The following TMPRSS6 variants were observed in gnomAD, a reference collection of about 807,000 sequenced individuals.
TMPRSS6 encodes transmembrane serine protease 6.
Under a neutral mutation model 101.5 loss-of-function variants are expected in TMPRSS6, and 67 were observed. The observed-to-expected ratio is 0.66, with a 90% CI of 0.54 to 0.81. The LOEUF is 0.81. Ranked by LOEUF, TMPRSS6 falls within the 30% of genes least tolerant of loss-of-function variation. The probability of loss-of-function intolerance (pLI) is 0.00; values close to 1 mark genes in which losing one functional copy is unlikely to be tolerated. For missense variants in TMPRSS6, 1,034 were observed against 1,088.7 expected, an observed-to-expected ratio of 0.95 and a Z score of 0.71; for synonymous variants, 453 against 464.9, an observed-to-expected ratio of 0.97 and a Z score of 0.33.
intron 10 of TMPRSS6, among the ~76,000 whole-genome samples, chr22:37,079,882 G>A (rs1928123798): frequency 6.6e-6 from 1 of 152,224 alleles, no homozygotes; most frequent in Non-Finnish European, 1.5e-5. Flanking sequence ...AGTGTCTGTG[G>A]CTGCCGCCTG....
At chr22:37,090,834 A>G (rs1929197186) in intron 6 of TMPRSS6, among the ~76,000 whole-genome samples, 1 of 152,200 alleles carries the variant, frequency 6.6e-6, no homozygotes. Context: ...CAATAAAGGC[A>G]GTGCCTGGTT....
intron 10 of TMPRSS6, among the ~76,000 whole-genome samples, chr22:37,082,256 C>T (rs1928327885): frequency 6.6e-6 from 1 of 152,206 alleles, no homozygotes; most frequent in Non-Finnish European, 1.5e-5. Flanking sequence ...GGCCAATGCA[C>T]TGAACGCCTG....
chr22:37,099,933 A>G (rs962112038), intron 2 of TMPRSS6, among the ~76,000 whole-genome samples: 1 of 126,422 alleles, frequency 7.9e-6, no homozygotes, highest in Non-Finnish European at 1.9e-5. Flanking sequence ...AGATGGGAGG[A>G]ATGGGAGGTG....
chr22:37,086,259 C>G lies in TMPRSS6; in HGVS notation c.973+24G>C, dbSNP rs369437677. 384 of 1,614,020 alleles carry G rather than the reference C, an allele frequency of 2.4e-4. 1 individual carries two copies. The highest frequency in any genetic ancestry group is 6.3e-4 in the South Asian group (57 of 91,070). On this transcript the variant is annotated intron_variant, in intron 8 of 17. Coordinates refer to ENST00000676104, the MANE Select transcript of TMPRSS6 (RefSeq NM_001374504.1). ...GGATTCTACCACCACCCCTCCCCTG[C>G]CCCAGGGACCCCTGACCTCTCACCC...
intron 8 of TMPRSS6, among the ~76,000 whole-genome samples, chr22:37,086,038 CGATGCCAG>C (rs994616029): frequency 4.7e-5 from 7 of 147,498 alleles, no homozygotes; most frequent in Non-Finnish European, 8.9e-5. Flanking sequence ...AGCAAGGGAG[CGATGCCAG>C]GAAGACAGAG....
Position 37,086,304 on chromosome 22 carries a change from C to G in TMPRSS6, c.952G>C (p.Val318Leu). 2 of 1,614,120 alleles carry G rather than the reference C, an allele frequency of 1.2e-6. No homozygotes were observed. The highest frequency in any genetic ancestry group is 4.5e-5 in the East Asian group (2 of 44,866). ...TCACCCTGGAAGACCACCGGCTGCA[C>G]GGAGAGCACGAAGGGGTCGTAGTAG... is the stretch of plus-strand genomic sequence containing the variant. ...HSYYDPFVLS[V>L]QPVVFQACEV... is the part of the protein sequence containing the mutation. The change falls in exon 8 of 18, where the codon GTG becomes CTG. Residue 318 changes from valine (V) to leucine (L), a missense_variant. Val to Leu is a conservative substitution (Grantham distance 32). Coordinates refer to ENST00000676104, the MANE Select transcript of TMPRSS6 (RefSeq NM_001374504.1).
At chr22:37,073,408 A>C in intron 13 of TMPRSS6, 124 bp downstream of exon 13, 1 of 656,528 alleles carries the variant, frequency 1.5e-6, no homozygotes, top group South Asian at 1.7e-5. Context: ...GGACAGACAT[A>C]CAGATGTAAA....
rs531422898 is a variant in TMPRSS6 at position 37,098,462 on chromosome 22, C to T, written c.290G>A (p.Arg97Gln). The T allele has an allele frequency of 4.3e-6, 7 of 1,614,084 alleles. No homozygotes were observed. The African/African-American group carries it at 5.3e-5, about 12-fold the overall frequency. The change falls in exon 3 of 18, where the codon CGG (arginine) becomes CAG (glutamine). Residue 97 changes from arginine (R) to glutamine (Q), a missense_variant. Coordinates refer to ENST00000676104, the MANE Select transcript of TMPRSS6 (RefSeq NM_001374504.1). ...NRHFSQDLTRRESSAFRSETA... is the reference protein window; with the variant it reads ...NRHFSQDLTRQESSAFRSETA... ...TTCACTGCGGAAGGCACTAGATTCC[C>T]GGCGGGTAAGATCCTGGGAGAAGTG...
At chr22:37,104,951 A>C (rs1930616310) in intron 1 of TMPRSS6, among the ~76,000 whole-genome samples, 1 of 147,688 alleles carries the variant, frequency 6.8e-6, no homozygotes, top group African/African-American at 2.6e-5. Flanking sequence ...ACAGAGCAAG[A>C]CTCTGCTTGA....
upstream of TMPRSS6, among the ~76,000 whole-genome samples, chr22:37,110,137 CTTT>C (rs55809648): frequency 2.3e-5 from 2 of 87,060 alleles, no homozygotes; most frequent in Admixed American, 1.3e-4. Flanking sequence ...CTACCTCGTT[CTTT>C]TTTTTTTTTT....
chr22:37,089,542 C>G (rs1455684476), intron 7 of TMPRSS6, 36 bp downstream of exon 7: 1 of 1,456,026 alleles, frequency 6.9e-7, no homozygotes, highest in African/African-American at 1.4e-5. Flanking sequence ...CTCCCTTTTC[C>G]AGCCCTCCCT....
intron 10 of TMPRSS6, among the ~76,000 whole-genome samples, chr22:37,079,308 C>T (rs1446460602): frequency 1.3e-5 from 2 of 152,224 alleles, no homozygotes; most frequent in African/African-American, 4.8e-5. Context: ...CACCGTGTGG[C>T]CTGCCTTGCT....
Position 37,095,996 on chromosome 22 carries a change from C to T in TMPRSS6, c.499G>A (p.Val167Met). 1.2e-6 allele frequency: 2 copies of T among 1,614,212 alleles called. No homozygotes were observed. Among genetic ancestry groups the T allele is most frequent in the Non-Finnish European group, 1.7e-6 (2 of 1,180,040 alleles). ...TTGACTGTGGACAGCAGCTCCTCCA[C>T]CAGCAGTGCCTGCACCACCTCGGGG... is the stretch of plus-strand genomic sequence containing the variant. ...LSPEVVQALL[V>M]EELLSTVNSS... The change falls in exon 5 of 18, where the codon GTG becomes ATG. Residue 167 changes from valine to methionine, a missense_variant. Transcript: ENST00000676104.
At chr22:37,079,025 GAGAA>G (rs1367036386) in intron 10 of TMPRSS6, among the ~76,000 whole-genome samples, 31 of 102,754 alleles carry the variant, frequency 3.0e-4, no homozygotes, top group African/African-American at 6.9e-4. Flanking sequence ...AAGAGAAAGA[GAGAA>G]AGAAAGAAAA....
chr22:37,070,221 A>G (rs1229170004), intron 15 of TMPRSS6, among the ~76,000 whole-genome samples: 1 of 151,988 alleles, frequency 6.6e-6, no homozygotes, highest in Non-Finnish European at 1.5e-5. Context: ...GTGTTGCTGA[A>G]TGAGTGAATG....
chr22:37,076,083 AAGAG>A (rs1263728636), intron 10 of TMPRSS6, among the ~76,000 whole-genome samples: 1 of 151,618 alleles, frequency 6.6e-6, no homozygotes, highest in Non-Finnish European at 1.5e-5. Flanking sequence ...AAAAGAAAGA[AAGAG>A]AAAGAAAGAA....
intron 13 of TMPRSS6, among the ~76,000 whole-genome samples, chr22:37,073,048 GTGGATGGATGGATGATGGATGGA>G (rs1419256478): frequency 7.0e-6 from 1 of 142,090 alleles, no homozygotes; most frequent in African/African-American, 2.6e-5. Flanking sequence ...TGGACGATGG[GTGGATGGATGGATGATGGATGGA>G]TGGATGGATG....
Position 37,069,305 on chromosome 22 carries a change from C to T in TMPRSS6, c.1881G>A (p.Lys627=), listed in dbSNP as rs1452976990. 2 of 1,562,892 alleles carry T rather than the reference C, an allele frequency of 1.3e-6. No homozygotes were observed. Among genetic ancestry groups the T allele is most frequent in the Non-Finnish European group, 8.7e-7 (1 of 1,149,866 alleles). The change falls in exon 16 of 18, where the codon AAG becomes AAA. Residue 627 remains lysine, a synonymous_variant. Coordinates refer to ENST00000676104, the MANE Select transcript of TMPRSS6 (RefSeq NM_001374504.1). The surrounding 1 kb of genome is among the most constrained non-coding windows in gnomAD (Gnocchi z 4.8). The stretch of plus-strand genomic sequence containing the variant: ...CAGGCCAGCGCGAGTTCTGCCACAC[C>T]TTGCCCAGGAACACGGTCCACAGCA... ...STVLWTVFLG[K]VWQNSRWPGE...
At chr22:37,085,420 C>A (rs1393094289) in intron 8 of TMPRSS6, among the ~76,000 whole-genome samples, 1 of 152,198 alleles carries the variant, frequency 6.6e-6, no homozygotes. Context: ...GTTTGGCCAG[C>A]TGGGGACCCA....
Sources: gnomAD v4.1 joint callset for allele counts (sites outside exome capture counted in the v4.1 genomes callset) on GRCh38, gnomAD v4.1.1 for gene constraint, Gnocchi (gnomAD v3.1) non-coding constraint, MANE v1.5 for transcripts, NCBI Gene and HGNC (gene_info 2026-07-23, HGNC 2026-07-21) for gene names.